Variants in PALLD observed in about 807,000 individuals in gnomAD.
The protein encoded by PALLD is palladin, cytoskeletal associated protein, also known as palladin.
Under a neutral mutation model 123.5 loss-of-function variants are expected in PALLD, and 61 were observed. The observed-to-expected ratio is 0.49, with a 90% CI of 0.40 to 0.61. PALLD has a LOEUF of 0.61. Among genes scored for constraint, PALLD ranks in the 20% least tolerant of loss-of-function variants. The pLI, the probability that PALLD is intolerant of heterozygous loss-of-function variation, is 0.00. For synonymous variants in PALLD, 465 were observed against 496.4 expected (o/e 0.94, Z 0.84); for missense variants, 1,273 against 1,377.0 (o/e 0.92, Z 1.20).
At chr4:168,645,382 T>C (rs1421411682) in intron 2 of PALLD, among the ~76,000 whole-genome samples, 1 of 152,186 alleles carries the variant, frequency 6.6e-6, no homozygotes, top group Non-Finnish European at 1.5e-5. Flanking sequence ...TAGTAAGTAG[T>C]GCTTACAATA....
At chr4:168,534,684 T>C (rs1403145083) in intron 2 of PALLD, among the ~76,000 whole-genome samples, 1 of 152,246 alleles carries the variant, frequency 6.6e-6, no homozygotes. Flanking sequence ...AGCACATGTC[T>C]GCTTCTAATC....
rs920715409 is a variant in PALLD, at chr4:168,836,510, C to T, written c.1965-54412C>T. On this transcript the variant is annotated intron_variant, in intron 10 of 21. Coordinates refer to ENST00000505667, the MANE Select transcript of PALLD (RefSeq NM_001166108.2). ...AAAAAGTACAGACACTGAAATTTCA[C>T]CAATGAATGGGAGAGAAGAGAGCTA... is the stretch of plus-strand genomic sequence containing the variant. Among the ~76,000 whole-genome samples, 9 of 152,088 alleles carry T rather than the reference C, an allele frequency of 5.9e-5. No individual in the cohort carries two copies. The East Asian group carries it at 1.7e-3, about 29-fold the overall frequency.
intron 10 of PALLD, among the ~76,000 whole-genome samples, chr4:168,836,396 G>A (rs772697664): frequency 8.5e-5 from 13 of 152,130 alleles, no homozygotes; most frequent in Non-Finnish European, 1.5e-4. Context: ...AGCAATAACC[G>A]TTTTCTGGTT....
At chr4:168,795,822 C>G (rs552739970) in intron 10 of PALLD, among the ~76,000 whole-genome samples, 2 of 151,952 alleles carry the variant, frequency 1.3e-5, no homozygotes, top group Non-Finnish European at 2.9e-5. Context: ...AATTCTCCCC[C>G]CTCAAACTCC....
intron 2 of PALLD, among the ~76,000 whole-genome samples, chr4:168,554,366 G>T (rs17541301): frequency 6.6e-6 from 1 of 151,866 alleles, no homozygotes; most frequent in Non-Finnish European, 1.5e-5. Context: ...TCTTCAGACC[G>T]CCAATGATTA....
intron 10 of PALLD, among the ~76,000 whole-genome samples, chr4:168,887,593 T>C (rs1360668944): frequency 1.3e-5 from 2 of 152,244 alleles, no homozygotes; most frequent in Non-Finnish European, 2.9e-5. Context: ...AGAGTAATAA[T>C]GGGAATGTGT....
intron 11 of PALLD, 59 bp from the exon 12 acceptor site, chr4:168,894,520 G>A (rs999332535): frequency 9.0e-6 from 9 of 997,206 alleles, no homozygotes; most frequent in African/African-American, 3.2e-5. Context: ...TTTTCATAGG[G>A]CAGTACATAT....
chr4:168,667,770 A>G (rs910386011), intron 2 of PALLD, among the ~76,000 whole-genome samples: 13 of 152,240 alleles, frequency 8.5e-5, no homozygotes, highest in African/African-American at 3.1e-4. Flanking sequence ...TAACATGATG[A>G]TAAGTTTCTT....
At chr4:168,532,631 TG>T (rs1273180837) in intron 2 of PALLD, among the ~76,000 whole-genome samples, 21 of 152,262 alleles carry the variant, frequency 1.4e-4, no homozygotes, top group African/African-American at 4.8e-4. Flanking sequence ...GAGGATTGTC[TG>T]AAAAATCAGA....
chr4:168,899,408 GA>G (rs957610710), intron 14 of PALLD, among the ~76,000 whole-genome samples: 1 of 152,056 alleles, frequency 6.6e-6, no homozygotes, highest in African/African-American at 2.4e-5. Flanking sequence ...AAAAAAAAGG[GA>G]AAAAATTAAA....
At chr4:168,594,218 T>C (rs1291640358) in intron 2 of PALLD, among the ~76,000 whole-genome samples, 1 of 152,138 alleles carries the variant, frequency 6.6e-6, no homozygotes, top group Non-Finnish European at 1.5e-5. Flanking sequence ...TGGTTAACGA[T>C]AGTGTAAGTA....
chr4:168,786,080 A>G (rs1350125451), intron 10 of PALLD, among the ~76,000 whole-genome samples: 1 of 151,958 alleles, frequency 6.6e-6, no homozygotes, highest in East Asian at 1.9e-4. Flanking sequence ...CTGTAATCCC[A>G]ACACTTTGAG....
intron 10 of PALLD, among the ~76,000 whole-genome samples, chr4:168,805,072 C>T (rs1469098318): frequency 6.6e-6 from 1 of 151,574 alleles, no homozygotes; most frequent in African/African-American, 2.4e-5. Flanking sequence ...ACAGGAGAAT[C>T]GTTTAAACCC....
chr4:168,612,494 C>T (rs1487134780), intron 2 of PALLD, among the ~76,000 whole-genome samples: 1 of 152,150 alleles, frequency 6.6e-6, no homozygotes, highest in African/African-American at 2.4e-5. Flanking sequence ...CCAATCTGTC[C>T]AGCAGCTGAA....
At chr4:168,503,509 T>A (rs988141651) in intron 1 of PALLD, among the ~76,000 whole-genome samples, 4 of 151,996 alleles carry the variant, frequency 2.6e-5, no homozygotes, top group African/African-American at 4.8e-5. Context: ...TAGCCGGGCA[T>A]GGTGGTGGGC....
intron 10 of PALLD, among the ~76,000 whole-genome samples, chr4:168,890,465 G>C (rs1753992383): frequency 6.6e-6 from 1 of 152,162 alleles, no homozygotes; most frequent in Non-Finnish European, 1.5e-5. Context: ...CAAAGCACTA[G>C]AAGACTGAAT....
chr4:168,597,036 A>G (rs1388149859), intron 2 of PALLD, among the ~76,000 whole-genome samples: 1 of 152,116 alleles, frequency 6.6e-6, no homozygotes, highest in African/African-American at 2.4e-5. Flanking sequence ...AGAATCAACA[A>G]ATAATTGAGA....
rs1276056963 is a variant in PALLD at position 168,499,285 on chromosome 4, TGGGAGGGAGGATGGGAGGGAGGAA to T, written c.-83+2101_-83+2124del. 6.4e-4 allele frequency among the ~76,000 whole-genome samples: 15 copies of T among 23,550 alleles called. No homozygotes were observed. In the South Asian group the frequency reaches 7.1e-3, roughly 11 times the overall value. 15.4% of individuals were successfully genotyped at this position (23,550 alleles called of 152,430 possible). A position where few individuals can be genotyped will look rare whatever the true frequency, so the allele number is the denominator to read the frequency against. ...AAGGGAGGGAGGATGGGAGGGAGGA[TGGGAGGGAGGATGGGAGGGAGGAA>T]GGGAGGGAGACATGGAAGAAGGGGG... On this transcript the variant is annotated intron_variant, in intron 1 of 21. Coordinates refer to ENST00000505667, the MANE Select transcript of PALLD (RefSeq NM_001166108.2).
In PALLD at chr4:168,550,254, T is replaced by G. The variant is rs141652115; in HGVS notation, c.908+37842T>G. 1.6e-3 allele frequency among the ~76,000 whole-genome samples: 238 copies of G among 150,572 alleles called. 1 individual carries two copies. The highest frequency in any genetic ancestry group is 2.8e-3 in the Non-Finnish European group (189 of 67,782). On this transcript the variant is annotated intron_variant, in intron 2 of 21. Coordinates refer to ENST00000505667, the MANE Select transcript of PALLD (RefSeq NM_001166108.2). ...TAAGTTAAAAGGGATGACTTTACTTTGTCTGAGTCAGTGCAAAACTACATT... is the reference window on the plus strand; with the variant it reads ...TAAGTTAAAAGGGATGACTTTACTTGGTCTGAGTCAGTGCAAAACTACATT...
Sources: allele counts gnomAD v4.1 joint callset (sites outside exome capture counted in the v4.1 genomes callset), GRCh38; gene constraint gnomAD v4.1.1; transcripts MANE v1.5; gene names NCBI Gene and HGNC (gene_info 2026-07-23, HGNC 2026-07-21).